The following FER1L6 variants were observed in gnomAD, a reference collection of about 807,000 sequenced individuals.
The protein encoded by FER1L6 is fer-1-like protein 6.
A neutral mutation model predicts 219.2 loss-of-function variants in FER1L6; 177 were observed. That is an observed-to-expected ratio of 0.81 (90% CI 0.71 to 0.91). FER1L6 has a LOEUF of 0.91. Ranked by LOEUF, FER1L6 falls within the 40% of genes least tolerant of loss-of-function variation. FER1L6 has a pLI of 0.00. For synonymous variants in FER1L6, 768 were observed against 824.3 expected, an observed-to-expected ratio of 0.93 and a Z score of 1.17; for missense variants, 2,153 against 2,259.9, an observed-to-expected ratio of 0.95 and a Z score of 0.96.
At position 124,119,597 on chromosome 8, in the gene FER1L6, TC is replaced by T. The variant is rs776451705; in HGVS notation, c.5391-5del. 2 of 1,595,586 alleles carry T rather than the reference TC, an allele frequency of 1.3e-6. No individual in the cohort carries two copies. Among genetic ancestry groups the T allele is most frequent in the Non-Finnish European group, 1.7e-6 (2 of 1,164,550 alleles). On this transcript the variant is annotated splice_polypyrimidine_tract_variant and intron_variant, in intron 40 of 40. Coordinates refer to ENST00000522917, the MANE Select transcript of FER1L6 (RefSeq NM_001039112.2). ...GCCCCCTTTTTGATTTTCTCTTCCT[TC>T]CCCCTCAGCCGCCCAGACACCTCCT...
At chr8:124,106,307 C>T (rs570007473) in intron 39 of FER1L6, among the ~76,000 whole-genome samples, 28 of 111,904 alleles carry the variant, frequency 2.5e-4, no homozygotes, top group South Asian at 6.8e-4. Context: ...CCAGCCTGGG[C>T]GACAGAGTGA....
intron 18 of FER1L6, among the ~76,000 whole-genome samples, chr8:124,025,034 T>C (rs1326234157): frequency 1.3e-5 from 2 of 151,388 alleles, no homozygotes; most frequent in African/African-American, 2.5e-5. Context: ...ATGTCTTTTA[T>C]GCAGTTTTTA....
At chr8:123,947,059 G>A (rs1384482981) in intron 1 of FER1L6, among the ~76,000 whole-genome samples, 1 of 151,930 alleles carries the variant, frequency 6.6e-6, no homozygotes, top group Non-Finnish European at 1.5e-5. Context: ...GGCCGAGGAG[G>A]GCAGATCACC....
In FER1L6 at chr8:124,061,993, G is replaced by A; in HGVS notation, c.3289G>A (p.Ala1097Thr). 1 of 1,614,154 alleles carries A rather than the reference G, an allele frequency of 6.2e-7. No individual in the cohort carries two copies. Among genetic ancestry groups the A allele is most frequent in the South Asian group, 1.1e-5 (1 of 91,074 alleles). The change falls in exon 25 of 41, where the codon GCC becomes ACC. Residue 1097 changes from alanine (A) to threonine (T), a missense_variant. Physicochemically the swap from Ala to Thr is moderately conservative, Grantham distance 58 (BLOSUM62 0). Transcript: ENST00000522917. Reference protein sequence around the residue: ...QFLCKLREPLAPITQVDGTQP... With the variant: ...QFLCKLREPLTPITQVDGTQP... ...TTTGTGTAAACTCAGAGAGCCCCTT[G>A]CCCCCATCACACAGGTGGATGGAAC...
chr8:124,056,713 G>C (rs1021118315), intron 22 of FER1L6, among the ~76,000 whole-genome samples: 1 of 152,152 alleles, frequency 6.6e-6, no homozygotes, highest in Admixed American at 6.5e-5. Flanking sequence ...GCTTAATGAG[G>C]GTTCAGGGAG....
At chr8:123,898,658 TGTATATATATAC>T (rs200350293) in intron 1 of FER1L6, among the ~76,000 whole-genome samples, 3,830 of 145,178 alleles carry the variant, frequency 0.026, 169 homozygotes, top group African/African-American at 0.093. Context: ...TATATATATA[TGTATATATATAC>T]GTATATATAT....
chr8:124,070,742 C>T (rs189169974), intron 30 of FER1L6, 144 bp downstream of exon 30: 4 of 651,278 alleles, frequency 6.1e-6, no homozygotes, highest in South Asian at 5.5e-5. Context: ...TAGAACTCCA[C>T]AAAACCTAGC....
intron 32 of FER1L6, among the ~76,000 whole-genome samples, chr8:124,079,547 C>T (rs1435346612): frequency 6.6e-6 from 1 of 152,068 alleles, no homozygotes; most frequent in African/African-American, 2.4e-5. Flanking sequence ...TGAAACTGAC[C>T]GTCACCCTGT....
chr8:124,031,592 A>C (rs1202447584), intron 18 of FER1L6, among the ~76,000 whole-genome samples: 1 of 152,164 alleles, frequency 6.6e-6, no homozygotes, highest in Non-Finnish European at 1.5e-5. Flanking sequence ...TTAGAGTCAT[A>C]TTTTTAGGTT....
chr8:124,009,297 CATTT>C (rs1326594548), intron 13 of FER1L6, among the ~76,000 whole-genome samples: 2 of 152,088 alleles, frequency 1.3e-5, no homozygotes, highest in South Asian at 2.1e-4. Context: ...GAAAGGAAAA[CATTT>C]ATTTATTTAC....
intron 3 of FER1L6, 81 bp from the exon 4 acceptor site, chr8:123,965,926 A>T: frequency 8.1e-7 from 1 of 1,229,070 alleles, no homozygotes; most frequent in Non-Finnish European, 1.2e-6. Flanking sequence ...GAAAGGACTT[A>T]GAAATACTTT....
rs1010335853 is a variant in FER1L6, at chr8:123,980,810, A to C, written c.1409A>C (p.Glu470Ala). Reference protein sequence around the residue: ...VEVESFDVPPEIVPEKNEEFL... With the variant: ...VEVESFDVPPAIVPEKNEEFL... ...GTGGAATCGTTCGATGTCCCCCCGGAGGTAGGTCTAGGCACTGCATTATGG... is the reference window on the plus strand; with the variant it reads ...GTGGAATCGTTCGATGTCCCCCCGGCGGTAGGTCTAGGCACTGCATTATGG... The change falls in exon 11 of 41, where the codon GAG (glutamate) becomes GCG (alanine). Residue 470 changes from glutamate (E) to alanine (A), a missense_variant and splice_region_variant. Coordinates refer to ENST00000522917, the MANE Select transcript of FER1L6 (RefSeq NM_001039112.2). 2 of 1,610,756 alleles carry C rather than the reference A, an allele frequency of 1.2e-6. No homozygotes were observed. Among genetic ancestry groups the C allele is most frequent in the Admixed American group, 1.7e-5 (1 of 59,860 alleles).
chr8:124,041,750 G>A (rs1819511046), intron 20 of FER1L6, among the ~76,000 whole-genome samples: 1 of 152,194 alleles, frequency 6.6e-6, no homozygotes, highest in Non-Finnish European at 1.5e-5. Context: ...ATAAAAATGA[G>A]AAGACAACAG....
At position 123,975,223 on chromosome 8, in the gene FER1L6, G is replaced by C. The variant is rs1209096637; in HGVS notation, c.600G>C (p.Leu200=). Residue 200 remains leucine, a synonymous_variant, in exon 8 of 41, where the codon CTG becomes CTC. Transcript: ENST00000522917. ...TCAGGACTGGCACCAAGGGGTACCTGAAATGTGACATCAGTGTCATGGGAA... is the reference window on the plus strand; with the variant it reads ...TCAGGACTGGCACCAAGGGGTACCTCAAATGTGACATCAGTGTCATGGGAA... The part of the protein sequence containing the change: ...GDIRTGTKGY[L]KCDISVMGKG... The C allele has an allele frequency of 6.2e-7, 1 of 1,613,190 alleles. No individual in the cohort carries two copies. Among genetic ancestry groups the C allele is most frequent in the South Asian group, 1.1e-5 (1 of 90,948 alleles).
At chr8:123,854,713 T>C (rs1467116396) in intron 1 of FER1L6, among the ~76,000 whole-genome samples, 1 of 152,094 alleles carries the variant, frequency 6.6e-6, no homozygotes, top group African/African-American at 2.4e-5. Flanking sequence ...AGAAGCCCAT[T>C]CTGGGAGGAG....
At chr8:123,857,155 CTG>C (rs1271630055) in intron 1 of FER1L6, among the ~76,000 whole-genome samples, 5 of 152,122 alleles carry the variant, frequency 3.3e-5, no homozygotes, top group African/African-American at 1.2e-4. Flanking sequence ...TCATTGTTCT[CTG>C]TGATTTTAGT....
At chr8:124,043,398 C>T (rs1409969054) in intron 20 of FER1L6, among the ~76,000 whole-genome samples, 1 of 152,228 alleles carries the variant, frequency 6.6e-6, no homozygotes, top group Non-Finnish European at 1.5e-5. Context: ...TCCATGACAG[C>T]TGGCTCCATC....
Position 123,903,873 on chromosome 8 carries a change from A to T in FER1L6, c.-8+51688A>T, listed in dbSNP as rs1812902220. 4.6e-5 allele frequency among the ~76,000 whole-genome samples: 7 copies of T among 152,238 alleles called. No homozygotes were observed. In the South Asian group the frequency reaches 1.4e-3, roughly 31 times the overall value. ...ATGCTGGGCACTGTTGGGAAATGAT[A>T]GTTATGCAAGAATCTCATGTTCTCT... On this transcript the variant is annotated intron_variant, in intron 1 of 40. Coordinates refer to ENST00000522917, the MANE Select transcript of FER1L6 (RefSeq NM_001039112.2).
chr8:123,986,918 T>C (rs191769595), intron 12 of FER1L6, among the ~76,000 whole-genome samples: 49 of 152,344 alleles, frequency 3.2e-4, no homozygotes, highest in East Asian at 1.3e-3. Context: ...TATTCATCTG[T>C]TGATGGACAT....
Sources: gnomAD v4.1 joint callset for allele counts (sites outside exome capture counted in the v4.1 genomes callset) on GRCh38, gnomAD v4.1.1 for gene constraint, MANE v1.5 for transcripts, NCBI Gene and HGNC (gene_info 2026-07-23, HGNC 2026-07-21) for gene names.